Variants in RAD51B observed in about 807,000 individuals in gnomAD.
The protein encoded by RAD51B is DNA repair protein RAD51 homolog 2.
In RAD51B, 38 loss-of-function variants were observed where a neutral mutation model predicts 42.2. The observed-to-expected ratio is 0.90, with a 90% CI of 0.70 to 1.18. RAD51B has a LOEUF of 1.18. Ranked by LOEUF, RAD51B falls within the 50% of genes most tolerant of loss-of-function variation. The pLI is 0.00. For synonymous variants in RAD51B, 154 were observed against 145.2 expected, an observed-to-expected ratio of 1.06 and a Z score of -0.43; for missense variants, 373 against 400.7, an observed-to-expected ratio of 0.93 and a Z score of 0.59.
At chr14:67,834,352 C>T (rs958764625) in intron 3 of RAD51B, among the ~76,000 whole-genome samples, 2 of 144,918 alleles carry the variant, frequency 1.4e-5, no homozygotes, top group African/African-American at 2.6e-5. Context: ...AGGTAATATT[C>T]ACAGACAGGT....
At chr14:68,079,571 A>G (rs1179874124) in intron 7 of RAD51B, among the ~76,000 whole-genome samples, 3 of 152,154 alleles carry the variant, frequency 2.0e-5, no homozygotes, top group Non-Finnish European at 2.9e-5. Flanking sequence ...GTATTGGTAA[A>G]TATTTTAGAA....
At chr14:68,664,118 G>C (rs1892988210) in intron 11 of RAD51B, among the ~76,000 whole-genome samples, 1 of 152,178 alleles carries the variant, frequency 6.6e-6, no homozygotes, top group Non-Finnish European at 1.5e-5. Context: ...ACAGGAGTAA[G>C]AAAAAATAAG....
chr14:68,321,003 A>G (rs1048025403), intron 8 of RAD51B, among the ~76,000 whole-genome samples: 1 of 152,138 alleles, frequency 6.6e-6, no homozygotes, highest in African/African-American at 2.4e-5. Flanking sequence ...CTGCAGAAGT[A>G]TAGAAACCTC....
chr14:68,082,460 G>C (rs1452101998), intron 7 of RAD51B, among the ~76,000 whole-genome samples: 1 of 145,264 alleles, frequency 6.9e-6, no homozygotes, highest in African/African-American at 2.7e-5. Context: ...TATTTGATAT[G>C]CATAGGAGAA....
At chr14:68,659,342 G>A (rs549682181) in intron 11 of RAD51B, among the ~76,000 whole-genome samples, 2 of 152,368 alleles carry the variant, frequency 1.3e-5, no homozygotes, top group South Asian at 4.1e-4. Context: ...TGAGGCTAAA[G>A]TCTTCATCTG....
At chr14:68,006,618 C>T (rs1428123402) in intron 7 of RAD51B, among the ~76,000 whole-genome samples, 1 of 151,958 alleles carries the variant, frequency 6.6e-6, no homozygotes, top group African/African-American at 2.4e-5. Flanking sequence ...GAAATCCTTG[C>T]ATTTCATTAT....
intron 7 of RAD51B, among the ~76,000 whole-genome samples, chr14:68,219,624 G>T (rs1043675190): frequency 6.6e-6 from 1 of 152,114 alleles, no homozygotes; most frequent in Non-Finnish European, 1.5e-5. Context: ...TCAGGAAGCC[G>T]CATTCCTGAG....
intron 4 of RAD51B, among the ~76,000 whole-genome samples, chr14:67,863,604 T>G (rs2042230870): frequency 6.6e-6 from 1 of 152,088 alleles, no homozygotes; most frequent in African/African-American, 2.4e-5. Context: ...TTTCCCTCTC[T>G]TAGATTTTTT....
intron 7 of RAD51B, among the ~76,000 whole-genome samples, chr14:68,002,116 C>T (rs1413263382): frequency 6.6e-6 from 1 of 152,102 alleles, no homozygotes; most frequent in African/African-American, 2.4e-5. Flanking sequence ...TTTGAGGAAT[C>T]GCCATACTGT....
At chr14:68,360,455 A>G (rs749351) in intron 8 of RAD51B, among the ~76,000 whole-genome samples, 11,703 of 152,306 alleles carry the variant, frequency 0.077, 1,494 homozygotes, top group African/African-American at 0.26. Flanking sequence ...TGGCTAGCAC[A>G]ATGCCTGTGG....
rs192220869 is a variant in RAD51B at position 68,238,009 on chromosome 14, C to T, written c.757-53875C>T. On this transcript the variant is annotated intron_variant, in intron 7 of 10. Coordinates refer to ENST00000471583, the MANE Select transcript of RAD51B (RefSeq NM_133510.4). ...CGGCCTCCCAAAGTGCCTCAGCCTC[C>T]GAAGCATTTATCATATGAATATATC... Among the ~76,000 whole-genome samples, 82 of 151,988 alleles carry T rather than the reference C, an allele frequency of 5.4e-4. 1 individual carries two copies. The highest frequency in any genetic ancestry group is 4.2e-3 in the Admixed American group (64 of 15,260).
intron 7 of RAD51B, among the ~76,000 whole-genome samples, chr14:68,164,440 G>A (rs879891797): frequency 6.6e-6 from 1 of 152,028 alleles, no homozygotes; most frequent in African/African-American, 2.4e-5. Flanking sequence ...ATACTACATT[G>A]GTGAAGTTCC....
At chr14:68,568,232 G>C (rs1889519804) in intron 10 of RAD51B, among the ~76,000 whole-genome samples, 1 of 152,188 alleles carries the variant, frequency 6.6e-6, no homozygotes, top group African/African-American at 2.4e-5. Flanking sequence ...TGCTAAGATA[G>C]AAACATGGGT....
chr14:68,071,214 G>C (rs1166064729), intron 7 of RAD51B, among the ~76,000 whole-genome samples: 1 of 152,124 alleles, frequency 6.6e-6, no homozygotes, highest in South Asian at 2.1e-4. Flanking sequence ...TCTATGAAGA[G>C]AGATAGTTTG....
At chr14:67,919,303 G>T (rs2044249773) in intron 7 of RAD51B, among the ~76,000 whole-genome samples, 1 of 152,144 alleles carries the variant, frequency 6.6e-6, no homozygotes, top group Non-Finnish European at 1.5e-5. Flanking sequence ...AAATGTGAAG[G>T]ATTCTCGAGC....
At chr14:68,108,979 C>T (rs1426989578) in intron 7 of RAD51B, among the ~76,000 whole-genome samples, 1 of 151,744 alleles carries the variant, frequency 6.6e-6, no homozygotes, top group Non-Finnish European at 1.5e-5. Context: ...TTACTTTATA[C>T]CAGCTAGACT....
intron 10 of RAD51B, among the ~76,000 whole-genome samples, chr14:68,587,728 C>A (rs1595002699): frequency 6.6e-6 from 1 of 152,190 alleles, no homozygotes; most frequent in East Asian, 1.9e-4. Context: ...CCTTTGCTAC[C>A]CAAGGCTGAT....
intron 9 of RAD51B, among the ~76,000 whole-genome samples, chr14:68,428,434 A>G (rs2084905598): frequency 6.6e-6 from 1 of 152,044 alleles, no homozygotes; most frequent in African/African-American, 2.4e-5. Flanking sequence ...ACAGTACCTT[A>G]TTAACTGTAT....
rs555828284 is a variant in RAD51B, at chr14:68,501,443, G to A, written c.1036+33193G>A. On this transcript the variant is annotated intron_variant, in intron 10 of 10. Transcript: ENST00000487270. ...CCATCCACATCATGAGGAGTGATGA[G>A]CTGCAGCCAAGGCCCCATGGAGCTT... Among the ~76,000 whole-genome samples, 5 of 152,322 alleles carry A rather than the reference G, an allele frequency of 3.3e-5. No individual in the cohort carries two copies. The Middle Eastern group carries it at 0.014, about 414-fold the overall frequency.
Sources: gnomAD v4.1 joint callset for allele counts (sites outside exome capture counted in the v4.1 genomes callset) on GRCh38, gnomAD v4.1.1 for gene constraint, MANE v1.5 for transcripts, NCBI Gene and HGNC (gene_info 2026-07-23, HGNC 2026-07-21) for gene names.